The following MACROD2 variants were observed in gnomAD, a reference collection of about 807,000 sequenced individuals.
The protein encoded by MACROD2 is ADP-ribose glycohydrolase MACROD2.
Under a neutral mutation model 70.4 loss-of-function variants are expected in MACROD2, and 36 were observed. The observed-to-expected ratio is 0.51, with a 90% CI of 0.39 to 0.68. The LOEUF (loss-of-function observed/expected upper bound fraction) is 0.68. Ranked by LOEUF, MACROD2 falls within the 30% of genes least tolerant of loss-of-function variation. The pLI is 0.00. For synonymous variants in MACROD2, 172 were observed against 178.8 expected (o/e 0.96, Z 0.30); for missense variants, 496 against 538.4 (o/e 0.92, Z 0.78).
chr20:15,094,981 TG>T lies in MACROD2; in HGVS notation c.419-134956del, dbSNP rs2075817942. ...ACCCTGAGCAAGTCACTAAGGTCTC[TG>T]GGTCACACTTTCTTCAAAGACCTGT... On this transcript the variant is annotated intron_variant, in intron 5 of 17. Coordinates refer to ENST00000684519, the MANE Select transcript of MACROD2 (RefSeq NM_001351661.2). 1.3e-5 allele frequency among the ~76,000 whole-genome samples: 2 copies of T among 151,474 alleles called. 1 individual carries two copies.
intron 5 of MACROD2, among the ~76,000 whole-genome samples, chr20:15,098,112 G>A (rs143839452): frequency 1.0e-3 from 156 of 152,264 alleles, no homozygotes; most frequent in African/African-American, 3.2e-3. Context: ...AGAGGGGCCT[G>A]GATCTGGTTT....
rs964825762 is a variant in MACROD2, at chr20:14,498,692, C to A, written c.301+5184C>A. On this transcript the variant is annotated intron_variant, in intron 4 of 17. Coordinates refer to ENST00000684519, the MANE Select transcript of MACROD2 (RefSeq NM_001351661.2). ...GAAAACAACTAATTTCACAAAAAAT[C>A]TGAGTTGCTACCTGGAATTCCTAAT... Among the ~76,000 whole-genome samples the A allele has an allele frequency of 3.9e-5, 6 of 152,276 alleles. No individual in the cohort carries two copies. In the East Asian group the frequency reaches 1.2e-3, roughly 29 times the overall value.
At chr20:15,153,556 A>G (rs939863938) in intron 5 of MACROD2, among the ~76,000 whole-genome samples, 3 of 152,196 alleles carry the variant, frequency 2.0e-5, no homozygotes, top group Non-Finnish European at 4.4e-5. Flanking sequence ...TAAATAAGGT[A>G]TGAACTCACA....
At chr20:15,244,465 G>A (rs1012430283) in intron 6 of MACROD2, among the ~76,000 whole-genome samples, 2 of 152,226 alleles carry the variant, frequency 1.3e-5, no homozygotes, top group Non-Finnish European at 2.9e-5. Flanking sequence ...AAGGCTGTCA[G>A]CTGCCTAGTT....
At chr20:14,608,721 G>A (rs1982970757) in intron 4 of MACROD2, among the ~76,000 whole-genome samples, 1 of 152,100 alleles carries the variant, frequency 6.6e-6, no homozygotes. Flanking sequence ...ATCAGTGAAC[G>A]AGTATTTGGA....
At chr20:14,747,886 A>G (rs1010799370) in intron 5 of MACROD2, among the ~76,000 whole-genome samples, 1 of 152,150 alleles carries the variant, frequency 6.6e-6, no homozygotes, top group Non-Finnish European at 1.5e-5. Flanking sequence ...CTACTAGGAC[A>G]GTATCCACGT....
intron 8 of MACROD2, among the ~76,000 whole-genome samples, chr20:15,589,808 A>G (rs937524647): frequency 1.3e-4 from 20 of 152,166 alleles, no homozygotes; most frequent in Non-Finnish European, 2.9e-4. Context: ...TTTTGTGAAT[A>G]TGCATTTTAA....
At chr20:15,842,753 G>GATGATAGAGAA (rs33937643) in intron 8 of MACROD2, among the ~76,000 whole-genome samples, 1 of 140,748 alleles carries the variant, frequency 7.1e-6, no homozygotes, top group Admixed American at 7.1e-5. Flanking sequence ...TAGAGAAATA[G>GATGATAGAGAA]ACAGACAAAT....
chr20:14,363,951 TC>T (rs1458613060), intron 3 of MACROD2, among the ~76,000 whole-genome samples: 1 of 147,392 alleles, frequency 6.8e-6, no homozygotes, highest in African/African-American at 2.5e-5. Flanking sequence ...CACAGAAAAA[TC>T]CCCTGGGGCA....
At chr20:14,824,729 A>G (rs1386882930) in intron 5 of MACROD2, among the ~76,000 whole-genome samples, 1 of 152,090 alleles carries the variant, frequency 6.6e-6, no homozygotes, top group Non-Finnish European at 1.5e-5. Flanking sequence ...CTCATTAGCC[A>G]AATCTAGTCC....
chr20:14,427,139 CT>C (rs1217769311), intron 3 of MACROD2, among the ~76,000 whole-genome samples: 9 of 151,174 alleles, frequency 6.0e-5, no homozygotes, highest in Admixed American at 3.3e-4. Flanking sequence ...CTTCTTTTAT[CT>C]TTTTTTTTAA....
intron 8 of MACROD2, among the ~76,000 whole-genome samples, chr20:15,579,316 T>A (rs1428352002): frequency 6.6e-6 from 1 of 152,214 alleles, no homozygotes; most frequent in Non-Finnish European, 1.5e-5. Flanking sequence ...GTAATTCTTT[T>A]CTCATAATAC....
chr20:15,201,638 C>T (rs1334444882), intron 5 of MACROD2, among the ~76,000 whole-genome samples: 1 of 152,118 alleles, frequency 6.6e-6, no homozygotes, highest in Admixed American at 6.6e-5. Context: ...ATTTGAGAAT[C>T]TTTTGCACTT....
chr20:14,287,254 TA>T (rs1272595628), intron 3 of MACROD2, among the ~76,000 whole-genome samples: 2 of 152,190 alleles, frequency 1.3e-5, no homozygotes, highest in Admixed American at 6.5e-5. Context: ...AATTAGATTT[TA>T]AAGTTGGTTG....
intron 5 of MACROD2, among the ~76,000 whole-genome samples, chr20:14,693,853 A>G (rs1316008818): frequency 6.6e-6 from 1 of 152,192 alleles, no homozygotes; most frequent in African/African-American, 2.4e-5. Flanking sequence ...GTTAAGCCAT[A>G]TACGCAGAAC....
At chr20:15,975,079 G>T (rs1471724992) in intron 13 of MACROD2, among the ~76,000 whole-genome samples, 3 of 151,892 alleles carry the variant, frequency 2.0e-5, no homozygotes, top group Non-Finnish European at 4.4e-5. Flanking sequence ...AACAATCTAA[G>T]AGCAAAACGG....
At chr20:14,896,703 C>T (rs765713081) in intron 5 of MACROD2, among the ~76,000 whole-genome samples, 1 of 151,744 alleles carries the variant, frequency 6.6e-6, no homozygotes, top group Non-Finnish European at 1.5e-5. Context: ...GCAATTCTAC[C>T]AGTTATATGG....
At position 15,433,547 on chromosome 20, in the gene MACROD2, C is replaced by A. The variant is rs187261852; in HGVS notation, c.571+2112C>A. Among the ~76,000 whole-genome samples the A allele has an allele frequency of 2.6e-3, 387 of 149,304 alleles. 9 individuals are homozygous for A. The highest frequency in any genetic ancestry group is 2.4e-4 in the Non-Finnish European group (16 of 67,448). On this transcript the variant is annotated intron_variant, in intron 7 of 17. Transcript: ENST00000684519. The stretch of plus-strand genomic sequence containing the variant: ...TCTCTACAAGACAAACTATGAAACA[C>A]TGCTGAAAGTACTCAGAGATGACAC...
intron 4 of MACROD2, among the ~76,000 whole-genome samples, chr20:14,533,334 G>A (rs867574056): frequency 1.3e-5 from 2 of 152,064 alleles, no homozygotes; most frequent in African/African-American, 2.4e-5. Context: ...ATTCTGAATC[G>A]CTAACAAAAG....
Sources: gnomAD v4.1 joint callset for allele counts (sites outside exome capture counted in the v4.1 genomes callset) on GRCh38, gnomAD v4.1.1 for gene constraint, MANE v1.5 for transcripts, NCBI Gene and HGNC (gene_info 2026-07-23, HGNC 2026-07-21) for gene names.